The following NKAIN2 variants were observed in gnomAD, a reference collection of about 807,000 sequenced individuals.
NKAIN2 encodes sodium/potassium-transporting ATPase subunit beta-1-interacting protein 2.
Under a neutral mutation model 32.6 loss-of-function variants are expected in NKAIN2, and 14 were observed. The ratio of observed to expected loss-of-function variants is 0.43; its 90% CI spans 0.28 to 0.67. NKAIN2 has a LOEUF of 0.67. Ranked by LOEUF, NKAIN2 falls within the 30% of genes least tolerant of loss-of-function variation. The pLI, the probability that NKAIN2 is intolerant of heterozygous loss-of-function variation, is 0.17. For missense variants in NKAIN2, 198 were observed against 258.3 expected (o/e 0.77, Z 1.60); for synonymous variants, 80 against 87.2 (o/e 0.92, Z 0.46).
intron 4 of NKAIN2, among the ~76,000 whole-genome samples, chr6:124,667,628 A>G (rs1362049160): frequency 6.6e-6 from 1 of 152,152 alleles, no homozygotes; most frequent in Non-Finnish European, 1.5e-5. Context: ...TTTCTTAAAA[A>G]TATATCTTTG....
At chr6:124,034,733 T>C (rs952493485) in intron 1 of NKAIN2, among the ~76,000 whole-genome samples, 10 of 152,174 alleles carry the variant, frequency 6.6e-5, no homozygotes, top group African/African-American at 2.4e-4. Context: ...TTACATTCCC[T>C]CCAACAGTGT....
At chr6:124,668,731 G>T (rs1389413558) in intron 4 of NKAIN2, among the ~76,000 whole-genome samples, 1 of 152,062 alleles carries the variant, frequency 6.6e-6, no homozygotes, top group Non-Finnish European at 1.5e-5. Flanking sequence ...TTCAATAATT[G>T]TTCACGTATT....
intron 2 of NKAIN2, among the ~76,000 whole-genome samples, chr6:124,354,500 G>A (rs1041252145): frequency 6.6e-6 from 1 of 152,118 alleles, no homozygotes; most frequent in Non-Finnish European, 1.5e-5. Context: ...ATAGTGAAAT[G>A]ATAAAATAAG....
chr6:124,573,215 A>C (rs1781197335), intron 3 of NKAIN2, among the ~76,000 whole-genome samples: 2 of 152,210 alleles, frequency 1.3e-5, no homozygotes, highest in Non-Finnish European at 2.9e-5. Flanking sequence ...ACACAAAAGC[A>C]TGAAGCAGTA....
At chr6:124,444,247 T>C (rs1306082984) in intron 3 of NKAIN2, among the ~76,000 whole-genome samples, 1 of 152,082 alleles carries the variant, frequency 6.6e-6, no homozygotes, top group Non-Finnish European at 1.5e-5. Flanking sequence ...AAATCTCAAA[T>C]TCTATCTTAT....
At chr6:123,848,662 A>G (rs1775191513) in intron 1 of NKAIN2, among the ~76,000 whole-genome samples, 1 of 152,186 alleles carries the variant, frequency 6.6e-6, no homozygotes, top group Non-Finnish European at 1.5e-5. Context: ...TCATTATAGC[A>G]GTGTGAGAAT....
intron 1 of NKAIN2, among the ~76,000 whole-genome samples, chr6:124,126,492 A>C (rs1786171262): frequency 6.6e-6 from 1 of 152,188 alleles, no homozygotes; most frequent in South Asian, 2.1e-4. Context: ...ATCTATCTGC[A>C]ACTTAACTCT....
chr6:123,824,172 T>A (rs941618514), intron 1 of NKAIN2, among the ~76,000 whole-genome samples: 4 of 152,146 alleles, frequency 2.6e-5, no homozygotes, highest in African/African-American at 9.7e-5. Context: ...ATAGTCAGGA[T>A]CCTGAAAGTA....
chr6:124,738,689 A>C (rs1390941929), intron 4 of NKAIN2, among the ~76,000 whole-genome samples: 6 of 151,794 alleles, frequency 4.0e-5, no homozygotes, highest in Non-Finnish European at 5.9e-5. Context: ...AGACCATGGG[A>C]GTATAAAGAG....
At chr6:124,538,814 C>G (rs1339662862) in intron 3 of NKAIN2, among the ~76,000 whole-genome samples, 1 of 152,102 alleles carries the variant, frequency 6.6e-6, no homozygotes, top group Non-Finnish European at 1.5e-5. Flanking sequence ...CTCGGTTTAA[C>G]TAGACTTTAC....
At chr6:124,371,404 T>C (rs1799754299) in intron 3 of NKAIN2, among the ~76,000 whole-genome samples, 1 of 151,916 alleles carries the variant, frequency 6.6e-6, no homozygotes, top group African/African-American at 2.4e-5. Context: ...TTTTTAACAG[T>C]GTAAGTTGGT....
chr6:123,999,882 A>G (rs1779799538), intron 1 of NKAIN2, among the ~76,000 whole-genome samples: 1 of 152,102 alleles, frequency 6.6e-6, no homozygotes, highest in Non-Finnish European at 1.5e-5. Context: ...TCCTATATTT[A>G]GTTGCTGTCA....
chr6:123,962,050 T>C lies in NKAIN2; in HGVS notation c.54+157796T>C, dbSNP rs556061365. Among the ~76,000 whole-genome samples, 114 of 152,284 alleles carry C rather than the reference T, an allele frequency of 7.5e-4. 2 individuals carry two copies. The highest frequency in any genetic ancestry group is 3.4e-3 in the Middle Eastern group (1 of 294). On this transcript the variant is annotated intron_variant, in intron 1 of 6. Transcript: ENST00000368417. ...TGTCACTTTCTATACTGGATGTTAA[T>C]TTTTTTAAGATGAAATTATTTTATA...
intron 3 of NKAIN2, among the ~76,000 whole-genome samples, chr6:124,401,639 A>T (rs1046221729): frequency 6.6e-6 from 1 of 152,104 alleles, no homozygotes; most frequent in Admixed American, 6.5e-5. Context: ...TATGTTGTGT[A>T]ATTTCCTTGT....
intron 3 of NKAIN2, among the ~76,000 whole-genome samples, chr6:124,528,394 G>A (rs1309944177): frequency 2.0e-5 from 3 of 152,178 alleles, no homozygotes; most frequent in African/African-American, 7.2e-5. Context: ...GTAGTGCAGT[G>A]TTTTGTCTTT....
Position 124,493,479 on chromosome 6 carries a change from G to A in NKAIN2, c.273+138132G>A, listed in dbSNP as rs1777944038. On this transcript the variant is annotated intron_variant, in intron 3 of 6. Transcript: ENST00000368417. ...ATATTAGACGAGCTAGCATATAATT[G>A]ACTGATAATGAACAAATGAACAGGA... is the stretch of plus-strand genomic sequence containing the variant. Among the ~76,000 whole-genome samples, 4 of 151,864 alleles carry A rather than the reference G, an allele frequency of 2.6e-5. No homozygotes were observed. The South Asian group carries it at 8.3e-4, about 32-fold the overall frequency.
At chr6:124,281,739 G>C (rs1405229899) in intron 1 of NKAIN2, among the ~76,000 whole-genome samples, 2 of 152,280 alleles carry the variant, frequency 1.3e-5, no homozygotes, top group East Asian at 3.9e-4. Context: ...GGGAAAACGT[G>C]CTACTCAGCT....
At chr6:124,677,257 C>T (rs1773405990) in intron 4 of NKAIN2, among the ~76,000 whole-genome samples, 1 of 152,194 alleles carries the variant, frequency 6.6e-6, no homozygotes, top group Non-Finnish European at 1.5e-5. Flanking sequence ...GCGTGAGCCA[C>T]CGGGTCTGGC....
At chr6:124,767,981 C>A (rs370763319) in intron 4 of NKAIN2, among the ~76,000 whole-genome samples, 1 of 152,118 alleles carries the variant, frequency 6.6e-6, no homozygotes, top group Admixed American at 6.5e-5. Context: ...TACATCATAT[C>A]ATGTGACAAT....
Sources: gnomAD v4.1 joint callset for allele counts (sites outside exome capture counted in the v4.1 genomes callset) on GRCh38, gnomAD v4.1.1 for gene constraint, MANE v1.5 for transcripts, NCBI Gene and HGNC (gene_info 2026-07-23, HGNC 2026-07-21) for gene names.